Variants in PTK2B observed in about 807,000 individuals in gnomAD.
The protein encoded by PTK2B is protein tyrosine kinase 2 beta.
Under a neutral mutation model 142.9 loss-of-function variants are expected in PTK2B, and 71 were observed. That is an observed-to-expected ratio of 0.50 (90% CI 0.41 to 0.61). PTK2B has a LOEUF of 0.61. Among genes scored for constraint, PTK2B ranks in the 20% least tolerant of loss-of-function variants. The pLI is 0.00. For synonymous variants in PTK2B, 519 were observed against 503.4 expected (o/e 1.03, Z -0.42); for missense variants, 1,105 against 1,320.4 (o/e 0.84, Z 2.53).
intron 3 of PTK2B, among the ~76,000 whole-genome samples, chr8:27,315,845 G>A (rs1803083166): frequency 6.6e-6 from 1 of 151,972 alleles, no homozygotes; most frequent in Admixed American, 6.6e-5. Context: ...TTTCTAACTT[G>A]CTTTTCCTCC....
chr8:27,439,453 C>T (rs1321182122), intron 20 of PTK2B, 55 bp downstream of exon 20: 1 of 1,540,258 alleles, frequency 6.5e-7, no homozygotes, highest in East Asian at 2.3e-5. Context: ...ACTTCTGAAC[C>T]AGGCTAAGGG....
chr8:27,447,631 G>T (rs1186601635), intron 24 of PTK2B, among the ~76,000 whole-genome samples: 1 of 152,190 alleles, frequency 6.6e-6, no homozygotes. Context: ...GGCCAAGGTG[G>T]GTGGATCACT....
At chr8:27,356,271 A>T (rs1287697013) in intron 1 of PTK2B, among the ~76,000 whole-genome samples, 1 of 152,184 alleles carries the variant, frequency 6.6e-6, no homozygotes, top group East Asian at 1.9e-4. Context: ...TATTGATTCA[A>T]CAAATGCTTA....
In PTK2B at chr8:27,430,921, G is replaced by C. The variant is rs771099007; in HGVS notation, c.715G>C (p.Ala239Pro). Reference sequence around the variant, plus strand: ...GATCCAGCAGACCTTCCAGCAGTACGCCTCGCTCAGGGAGGAGGAGTGCGT... The same window carrying C: ...GATCCAGCAGACCTTCCAGCAGTACCCCTCGCTCAGGGAGGAGGAGTGCGT... The part of the protein sequence containing the change: ...KMIQQTFQQY[A>P]SLREEECVMK... Residue 239 changes from alanine (A) to proline (P), a missense_variant, in exon 8 of 31, where the codon GCC becomes CCC. Transcript: ENST00000346049. 1.2e-6 allele frequency: 2 copies of C among 1,614,176 alleles called. No homozygotes were observed. The highest frequency in any genetic ancestry group is 1.7e-6 in the Non-Finnish European group (2 of 1,180,028).
At chr8:27,427,884 G>A (rs1315518639) in intron 5 of PTK2B, among the ~76,000 whole-genome samples, 4 of 152,272 alleles carry the variant, frequency 2.6e-5, no homozygotes, top group South Asian at 2.1e-4. Context: ...GACCAGTTTC[G>A]TGGAAGACAA....
At chr8:27,357,447 C>T (rs1276837193) in intron 1 of PTK2B, among the ~76,000 whole-genome samples, 1 of 152,190 alleles carries the variant, frequency 6.6e-6, no homozygotes, top group Non-Finnish European at 1.5e-5. Flanking sequence ...CAGCAACTGA[C>T]AGCAGAAGAG....
intron 2 of PTK2B, among the ~76,000 whole-genome samples, chr8:27,408,635 A>G (rs1196844093): frequency 2.0e-5 from 3 of 152,218 alleles, no homozygotes; most frequent in East Asian, 3.8e-4. Flanking sequence ...TTAGGAAGCC[A>G]AAAGCCTTGG....
intron 30 of PTK2B, among the ~76,000 whole-genome samples, chr8:27,458,033 A>C (rs1035268075): frequency 6.7e-6 from 1 of 148,932 alleles, no homozygotes; most frequent in Non-Finnish European, 1.5e-5. Flanking sequence ...ATGAGGTATG[A>C]GGGGATGTTT....
rs139259572 is a variant in PTK2B, at chr8:27,333,839, G to A, written c.-38+8158G>A. Reference sequence around the variant, plus strand: ...TCTCCGGTGACCATCCAGATGTGATGATTCCCAGGACCCTCCCTCCCTCCC... The same window carrying A: ...TCTCCGGTGACCATCCAGATGTGATAATTCCCAGGACCCTCCCTCCCTCCC... On this transcript the variant is annotated intron_variant, in intron 1 of 30. Coordinates refer to ENST00000346049, the MANE Select transcript of PTK2B (RefSeq NM_173176.3). 1.6e-3 allele frequency among the ~76,000 whole-genome samples: 246 copies of A among 152,220 alleles called. 1 individual carries two copies. Among genetic ancestry groups the A allele is most frequent in the African/African-American group, 4.5e-3 (187 of 41,502 alleles).
chr8:27,399,572 T>G lies in PTK2B; in HGVS notation c.204+1784T>G, dbSNP rs145679520. Among the ~76,000 whole-genome samples the G allele has an allele frequency of 6.4e-3, 982 of 152,276 alleles. 13 individuals are homozygous for G. Among genetic ancestry groups the G allele is most frequent in the African/African-American group, 0.023 (944 of 41,542 alleles). ...AAGATATTCCTGGAGTTGTATGATA[T>G]ACCCTGCTGGGTGTTTAAGGGATGA... On this transcript the variant is annotated intron_variant, in intron 2 of 30. Transcript: ENST00000346049.
At chr8:27,390,717 C>T (rs1221373210) in intron 1 of PTK2B, among the ~76,000 whole-genome samples, 1 of 152,136 alleles carries the variant, frequency 6.6e-6, no homozygotes, top group Non-Finnish European at 1.5e-5. Flanking sequence ...ATTCTCTCTT[C>T]TTCCAAGTCA....
At chr8:27,319,508 G>C (rs1803163903) in intron 3 of PTK2B, among the ~76,000 whole-genome samples, 1 of 151,810 alleles carries the variant, frequency 6.6e-6, no homozygotes, top group Non-Finnish European at 1.5e-5. Context: ...GCCAGGCCCG[G>C]TGGCGGGCGC....
intron 1 of PTK2B, among the ~76,000 whole-genome samples, chr8:27,354,666 C>T (rs1208044521): frequency 6.6e-6 from 1 of 152,170 alleles, no homozygotes; most frequent in African/African-American, 2.4e-5. Flanking sequence ...TAAAACTTTG[C>T]AGAAAGAACA....
At chr8:27,453,261 G>C in intron 28 of PTK2B, 101 bp downstream of exon 28, 2 of 1,499,570 alleles carry the variant, frequency 1.3e-6, no homozygotes, top group African/African-American at 2.8e-5. Context: ...ATAGAATCCA[G>C]TTCAGTGTCC....
chr8:27,344,962 A>C (rs2130250987), intron 1 of PTK2B, among the ~76,000 whole-genome samples: 1 of 152,342 alleles, frequency 6.6e-6, no homozygotes, highest in South Asian at 2.1e-4. Context: ...ACTTGAGATC[A>C]GGAGTTTGAG....
intron 1 of PTK2B, among the ~76,000 whole-genome samples, chr8:27,384,155 C>T (rs1468426068): frequency 2.6e-5 from 4 of 151,920 alleles, no homozygotes; most frequent in African/African-American, 9.7e-5. Context: ...CGGCCCAACA[C>T]CTGGCAAATT....
chr8:27,411,043 T>C (rs1437657412), intron 2 of PTK2B, among the ~76,000 whole-genome samples: 1 of 152,234 alleles, frequency 6.6e-6, no homozygotes, highest in Non-Finnish European at 1.5e-5. Context: ...AAAACAGTCC[T>C]GGGCTTACCC....
intron 28 of PTK2B, 70 bp downstream of exon 28, chr8:27,453,230 T>G (rs1352485157): frequency 6.4e-7 from 1 of 1,570,994 alleles, no homozygotes; most frequent in Non-Finnish European, 8.8e-7. Flanking sequence ...CCATGGTCTA[T>G]GAAAGATTCA....
At chr8:27,313,308 T>C (rs1436603728) in intron 3 of PTK2B, 2 of 152,326 alleles carry the variant, frequency 1.3e-5, no homozygotes, top group Admixed American at 6.5e-5. Context: ...TAAACCTCTT[T>C]CCTTTATAAA....
Sources: allele counts gnomAD v4.1 joint callset (sites outside exome capture counted in the v4.1 genomes callset), GRCh38; gene constraint gnomAD v4.1.1; transcripts MANE v1.5; gene names NCBI Gene and HGNC (gene_info 2026-07-23, HGNC 2026-07-21).